CLPB: variants seen among roughly 807,000 people sequenced by gnomAD.
CLPB encodes the protein mitochondrial disaggregase.
CLPB carries 40 observed loss-of-function variants against 78.4 expected under a neutral mutation model. The observed-to-expected ratio is 0.51, with a 90% CI of 0.40 to 0.66. The LOEUF (loss-of-function observed/expected upper bound fraction) is 0.66. CLPB is among the 30% of genes least tolerant of loss of function. The probability of loss-of-function intolerance (pLI) is 0.00; values close to 1 mark genes in which losing one functional copy is unlikely to be tolerated. For missense variants in CLPB, 780 were observed against 886.9 expected, an observed-to-expected ratio of 0.88 and a Z score of 1.53; for synonymous variants, 333 against 348.0, an observed-to-expected ratio of 0.96 and a Z score of 0.48.
At chr11:72,389,335 C>A (rs1238018030) in intron 3 of CLPB, among the ~76,000 whole-genome samples, 3 of 152,180 alleles carry the variant, frequency 2.0e-5, no homozygotes, top group African/African-American at 7.2e-5. Flanking sequence ...GGAAGGTAGG[C>A]ACTGCTACTG....
chr11:72,394,845 G>A (rs1855358902), intron 3 of CLPB, among the ~76,000 whole-genome samples: 1 of 152,128 alleles, frequency 6.6e-6, no homozygotes, highest in Non-Finnish European at 1.5e-5. Context: ...ATCCTTCCTT[G>A]CTGGGGAATA....
chr11:72,364,734 C>A (rs1412216582), intron 4 of CLPB, among the ~76,000 whole-genome samples: 1 of 152,042 alleles, frequency 6.6e-6, no homozygotes, highest in Admixed American at 6.6e-5. Context: ...ACCCTGGTGA[C>A]CCCAGTATGA....
intron 5 of CLPB, among the ~76,000 whole-genome samples, chr11:72,332,089 C>T (rs987846997): frequency 6.6e-6 from 1 of 152,034 alleles, no homozygotes; most frequent in Non-Finnish European, 1.5e-5. Flanking sequence ...TTTTTTTACA[C>T]AGTACTATCT....
At chr11:72,333,698 G>T (rs1195984069) in intron 5 of CLPB, among the ~76,000 whole-genome samples, 1 of 152,116 alleles carries the variant, frequency 6.6e-6, no homozygotes, top group African/African-American at 2.4e-5. Flanking sequence ...GGCGGCACTG[G>T]GGGGCTCAGG....
At chr11:72,373,948 G>A (rs1443483593) in intron 4 of CLPB, among the ~76,000 whole-genome samples, 2 of 115,642 alleles carry the variant, frequency 1.7e-5, no homozygotes, top group Non-Finnish European at 3.4e-5. Context: ...TAACAAGAGC[G>A]AAACTCTGTC....
intron 2 of CLPB, among the ~76,000 whole-genome samples, chr11:72,409,515 C>G (rs575029120): frequency 1.3e-5 from 2 of 152,014 alleles, no homozygotes; most frequent in African/African-American, 4.8e-5. Context: ...ACTCGGGAGA[C>G]AGAGGTTGCA....
At chr11:72,325,724 GA>G (rs1322056345) in intron 6 of CLPB, among the ~76,000 whole-genome samples, 5 of 152,148 alleles carry the variant, frequency 3.3e-5, no homozygotes, top group Non-Finnish European at 4.4e-5. Flanking sequence ...GGCCAAGTAG[GA>G]AACAAAAGTG....
At chr11:72,345,867 C>G (rs1950503443) in intron 5 of CLPB, among the ~76,000 whole-genome samples, 1 of 152,182 alleles carries the variant, frequency 6.6e-6, no homozygotes, top group Non-Finnish European at 1.5e-5. Context: ...GAACTGCAAA[C>G]AAATCCTGAC....
At chr11:72,421,526 G>A (rs969324917) in intron 2 of CLPB, among the ~76,000 whole-genome samples, 1 of 152,190 alleles carries the variant, frequency 6.6e-6, no homozygotes, top group Non-Finnish European at 1.5e-5. Context: ...CAAGATCCTG[G>A]GAGAGTGATG....
chr11:72,342,510 T>C (rs1473161075), intron 5 of CLPB, among the ~76,000 whole-genome samples: 1 of 152,152 alleles, frequency 6.6e-6, no homozygotes, highest in Non-Finnish European at 1.5e-5. Context: ...CTGGAAGTCG[T>C]GGGCTTTCAA....
intron 2 of CLPB, chr11:72,412,184 G>A (rs1300125097): frequency 6.6e-6 from 1 of 152,320 alleles, no homozygotes; most frequent in African/African-American, 2.4e-5. Context: ...CATAGACAAG[G>A]CCTCTCCAGC....
At chr11:72,420,157 A>G (rs1856149895) in intron 2 of CLPB, among the ~76,000 whole-genome samples, 1 of 152,144 alleles carries the variant, frequency 6.6e-6, no homozygotes, top group African/African-American at 2.4e-5. Context: ...AGCCTGTGCA[A>G]CATGATGAGA....
intron 2 of CLPB, among the ~76,000 whole-genome samples, chr11:72,422,301 T>C (rs1434277560): frequency 6.8e-6 from 1 of 146,236 alleles, no homozygotes; most frequent in African/African-American, 2.6e-5. Context: ...ACTAGGGAAC[T>C]GTATTTAAAA....
chr11:72,302,151 G>T (rs1474817977), intron 10 of CLPB, 153 bp downstream of exon 10: 11 of 977,658 alleles, frequency 1.1e-5, no homozygotes, highest in Middle Eastern at 3.0e-4. Context: ...CAAATCCTAT[G>T]TGAAACAAAT....
At chr11:72,297,636 GGTGTGTGTGTGTGTGTGTGTGT>G (rs67807556) in intron 11 of CLPB, among the ~76,000 whole-genome samples, 3,884 of 93,452 alleles carry the variant, frequency 0.042, 106 homozygotes, top group Non-Finnish European at 0.05. Flanking sequence ...TTGGGGACCA[GGTGTGTGTGTGTGTGTGTGTGT>G]GTGTGTGTGT....
chr11:72,292,691 G>T lies in CLPB; in HGVS notation c.*676C>A, dbSNP rs1490751225. The T allele has an allele frequency of 2.0e-5, 3 of 152,398 alleles. No individual in the cohort carries two copies. Among genetic ancestry groups the T allele is most frequent in the East Asian group, 3.9e-4 (2 of 5,180 alleles). 9.4% of individuals were successfully genotyped at this position (152,398 alleles called of 1,614,324 possible). On this transcript the variant is annotated 3_prime_UTR_variant, in exon 16 of 16. Coordinates refer to ENST00000538039, the MANE Select transcript of CLPB (RefSeq NM_001258392.3). ...GAACCAGTCAGGCCTCCTCCTGGAG[G>T]TGCCCAACACTGGCCTAGTCCCCAA...
chr11:72,306,137 C>T (rs187808011), intron 9 of CLPB, among the ~76,000 whole-genome samples: 34 of 152,314 alleles, frequency 2.2e-4, no homozygotes, highest in African/African-American at 7.7e-4. Context: ...GGGTCTGCTC[C>T]AGGTTTGGTG....
intron 12 of CLPB, among the ~76,000 whole-genome samples, 154 bp downstream of exon 12, chr11:72,295,338 T>C (rs1204008840): frequency 6.6e-6 from 1 of 152,170 alleles, no homozygotes; most frequent in African/African-American, 2.4e-5. Context: ...CCCCCACTAC[T>C]TGGTATGGTG....
At position 72,401,731 on chromosome 11, in the gene CLPB, CTATCAA is replaced by C. The variant is rs1426747135; in HGVS notation, c.542+1229_542+1234del. 9.2e-5 allele frequency among the ~76,000 whole-genome samples: 14 copies of C among 152,248 alleles called. 1 individual carries two copies. The highest frequency in any genetic ancestry group is 9.2e-4 in the Admixed American group (14 of 15,284). ...AAAGAACTGAAATTGGTACCTCCAA[CTATCAA>C]TTTCAATGGCTGTTACTAAAGTGCC... On this transcript the variant is annotated intron_variant, in intron 3 of 15. Coordinates refer to ENST00000538039, the MANE Select transcript of CLPB (RefSeq NM_001258392.3).
Sources: allele counts gnomAD v4.1 joint callset (sites outside exome capture counted in the v4.1 genomes callset), GRCh38; gene constraint gnomAD v4.1.1; transcripts MANE v1.5; gene names NCBI Gene and HGNC (gene_info 2026-07-23, HGNC 2026-07-21).